CRYAB: variants seen among roughly 807,000 people sequenced by gnomAD.
CRYAB encodes alpha-crystallin B chain.
A neutral mutation model predicts 12.7 loss-of-function variants in CRYAB; 9 were observed. The ratio of observed to expected loss-of-function variants is 0.71; its 90% CI spans 0.43 to 1.24. The LOEUF (loss-of-function observed/expected upper bound fraction) is 1.24. Ranked by LOEUF, CRYAB falls within the 50% of genes most tolerant of loss-of-function variation. The pLI, the probability that CRYAB is intolerant of heterozygous loss-of-function variation, is 0.00. For synonymous variants in CRYAB, 93 were observed against 86.8 expected (o/e 1.07, Z -0.40); for missense variants, 183 against 226.6 (o/e 0.81, Z 1.24).
At chr11:111,912,686 C>CCCCCA, upstream of CRYAB, 8 of 526,932 alleles carry the variant, frequency 1.5e-5, no homozygotes, top group South Asian at 3.9e-5. Context: ...GCCCCTCCCC[C>CCCCCA]CCCAAGAGGC....
chr11:111,913,887 G>A (rs1555165927), upstream of CRYAB: 7 of 1,606,222 alleles, frequency 4.4e-6, no homozygotes, highest in East Asian at 1.3e-4. Context: ...AGCCATAGTT[G>A]AGCCCTGATT....
At chr11:111,909,368 T>G (rs1479635755) in intron 2 of CRYAB, 22 of 343,858 alleles carry the variant, frequency 6.4e-5, no homozygotes, top group Non-Finnish European at 6.7e-5. Flanking sequence ...ACAATAGGAC[T>G]GCTGCTGAAA....
At chr11:111,914,086 C>T, upstream of CRYAB, 1 of 602,856 alleles carries the variant, frequency 1.7e-6, no homozygotes, top group Non-Finnish European at 2.9e-6. Flanking sequence ...AAACCCAAAT[C>T]TCAGGGCCTT....
chr11:111,913,748 T>A (rs143022702), upstream of CRYAB: 63 of 1,614,034 alleles, frequency 3.9e-5, no homozygotes, highest in Non-Finnish European at 5.2e-5. Context: ...GAGTCCGAGC[T>A]GCTCTCTCCC....
At chr11:111,920,017 A>G (rs1306093629) in intron 1 of CRYAB, among the ~76,000 whole-genome samples, 5 of 151,824 alleles carry the variant, frequency 3.3e-5, no homozygotes, top group South Asian at 2.1e-4. Flanking sequence ...AACACGGTGA[A>G]ACCCCATCTC....
chr11:111,916,366 G>C (rs1357506111), upstream of CRYAB, among the ~76,000 whole-genome samples: 2 of 151,956 alleles, frequency 1.3e-5, no homozygotes, highest in Non-Finnish European at 2.9e-5. Flanking sequence ...GAGTAACTGA[G>C]GCTACAGGCA....
chr11:111,909,135 C>A, intron 2 of CRYAB, 168 bp from the exon 3 acceptor site: 1 of 718,588 alleles, frequency 1.4e-6, no homozygotes. Flanking sequence ...ATGAAATTGC[C>A]TAGGTAGTCA....
chr11:111,923,181 G>A (rs1021317427), intron 1 of CRYAB, among the ~76,000 whole-genome samples: 1 of 152,218 alleles, frequency 6.6e-6, no homozygotes, highest in Admixed American at 6.5e-5. Context: ...TGACTGAGCA[G>A]CAGTAACATA....
upstream of CRYAB, chr11:111,912,696 C>G: frequency 4.8e-6 from 2 of 417,726 alleles, no homozygotes; most frequent in Non-Finnish European, 8.8e-6. Flanking sequence ...CCCCAAGAGG[C>G]TCGGCACTAT....
chr11:111,918,640 C>T (rs972248744), intron 1 of CRYAB: 4 of 674,094 alleles, frequency 5.9e-6, no homozygotes, highest in East Asian at 2.7e-5. Flanking sequence ...AATGGAGAAG[C>T]ATTTCGTAAG....
intron 1 of CRYAB, among the ~76,000 whole-genome samples, chr11:111,923,463 C>A (rs191890570): frequency 2.6e-5 from 4 of 152,322 alleles, no homozygotes; most frequent in Admixed American, 2.6e-4. Context: ...GATGAGAGAT[C>A]AGGCAGACAA....
At chr11:111,915,979 C>A (rs1180422667), upstream of CRYAB, among the ~76,000 whole-genome samples, 1 of 152,076 alleles carries the variant, frequency 6.6e-6, no homozygotes, top group African/African-American at 2.4e-5. Context: ...TGGACTCAAG[C>A]AATCCTCTAT....
upstream of CRYAB, chr11:111,913,704 A>G (rs202246824): frequency 2.7e-4 from 429 of 1,613,696 alleles, no homozygotes; most frequent in Non-Finnish European, 3.4e-4. Flanking sequence ...GTTCTGCCGC[A>G]CCTATGTCCT....
At chr11:111,918,830 C>A in intron 1 of CRYAB, 1 of 893,372 alleles carries the variant, frequency 1.1e-6, no homozygotes, top group South Asian at 1.4e-5. Flanking sequence ...CAGCAGGTGG[C>A]TTCAAAAGTC....
At chr11:111,922,398 ATTC>A (rs1364519706) in intron 1 of CRYAB, among the ~76,000 whole-genome samples, 1 of 152,228 alleles carries the variant, frequency 6.6e-6, no homozygotes, top group African/African-American at 2.4e-5. Context: ...ATTTTAAAAT[ATTC>A]TTTATTGTTA....
At chr11:111,916,414 G>A (rs1211706393), upstream of CRYAB, among the ~76,000 whole-genome samples, 1 of 151,900 alleles carries the variant, frequency 6.6e-6, no homozygotes, top group Non-Finnish European at 1.5e-5. Context: ...GTAGAGACTG[G>A]GTTTCGCCAT....
upstream of CRYAB, chr11:111,911,802 C>A: frequency 3.1e-6 from 3 of 978,456 alleles, no homozygotes; most frequent in Admixed American, 2.0e-5. Context: ...CTTATATATG[C>A]AGTCTTGTGA....
At chr11:111,922,750 A>G (rs1244497427) in intron 1 of CRYAB, among the ~76,000 whole-genome samples, 2 of 152,230 alleles carry the variant, frequency 1.3e-5, no homozygotes, top group African/African-American at 4.8e-5. Flanking sequence ...AAATAATGTT[A>G]TAATGAATAT....
rs886039099 is a variant in CRYAB at position 111,910,327 on chromosome 11, C to G, written c.324G>C (p.Gln108His). 5.6e-6 allele frequency: 9 copies of G among 1,614,094 alleles called. No individual in the cohort carries two copies. The highest frequency in any genetic ancestry group is 7.6e-6 in the Non-Finnish European group (9 of 1,180,046). ...GAAAACAAAAAAACAAGCTACATACCTGGCGCTCTTCATGTTTTCCATGCA... is the reference window on the plus strand; with the variant it reads ...GAAAACAAAAAAACAAGCTACATACGTGGCGCTCTTCATGTTTTCCATGCA... Reference protein sequence around the residue: ...IEVHGKHEERQDEHGFISREF... With the variant: ...IEVHGKHEERHDEHGFISREF... Residue 108 changes from glutamine (Q) to histidine (H), a missense_variant and splice_region_variant, in exon 2 of 3, where the codon CAG (glutamine) becomes CAC (histidine). Physicochemically the swap from Gln to His is conservative, Grantham distance 24. This residue lies in a region of CRYAB where 95 missense variants were observed against 112.5 expected (regional missense o/e 0.84). Transcript: ENST00000650687.
Sources: gnomAD v4.1 joint callset for allele counts (sites outside exome capture counted in the v4.1 genomes callset) on GRCh38, gnomAD v4.1.1 for gene constraint, gnomAD v4.1.1 regional missense constraint, MANE v1.5 for transcripts, NCBI Gene and HGNC (gene_info 2026-07-23, HGNC 2026-07-21) for gene names.